The following NSUN2 variants were observed in gnomAD, a reference collection of about 807,000 sequenced individuals.
NSUN2 encodes RNA cytosine C(5)-methyltransferase NSUN2.
Under a neutral mutation model 92.7 loss-of-function variants are expected in NSUN2, and 63 were observed. The observed-to-expected ratio is 0.68, with a 90% confidence interval of 0.56 to 0.84. NSUN2 has a LOEUF of 0.84. Ranked by LOEUF, NSUN2 falls within the 40% of genes least tolerant of loss-of-function variation. The probability of loss-of-function intolerance (pLI) is 0.00; values close to 1 mark genes in which losing one functional copy is unlikely to be tolerated. For missense variants in NSUN2, 989 were observed against 964.9 expected (o/e 1.02, Z -0.33); for synonymous variants, 356 against 348.3 (o/e 1.02, Z -0.25).
intron 18 of NSUN2, among the ~76,000 whole-genome samples, chr5:6,600,696 G>A (rs1181466952): frequency 6.6e-6 from 1 of 151,890 alleles, no homozygotes; most frequent in Non-Finnish European, 1.5e-5. Context: ...CAGGACCCAG[G>A]ACCACCGGGA....
At chr5:6,624,642 G>A (rs374790658) in intron 4 of NSUN2, among the ~76,000 whole-genome samples, 10 of 152,192 alleles carry the variant, frequency 6.6e-5, no homozygotes, top group African/African-American at 9.7e-5. Flanking sequence ...TCTCAAGTAC[G>A]AAATGGGGTT....
rs185317714 is a variant in NSUN2 at position 6,611,712 on chromosome 5, G to A, written c.1095+13C>T. On this transcript the variant is annotated intron_variant, in intron 10 of 18. Coordinates refer to ENST00000264670, the MANE Select transcript of NSUN2 (RefSeq NM_017755.6). ...CCTACTCTTTAGAATGAAAGTTCTC[G>A]AGGAAAGGTTACCTTCCACTGTGTG... 239 of 1,612,808 alleles carry A rather than the reference G, an allele frequency of 1.5e-4. 1 individual carries two copies. In the African/African-American group the frequency reaches 2.7e-3, roughly 18 times the overall value.
At chr5:6,624,218 T>C (rs1218098280) in intron 4 of NSUN2, among the ~76,000 whole-genome samples, 1 of 152,228 alleles carries the variant, frequency 6.6e-6, no homozygotes, top group Non-Finnish European at 1.5e-5. Flanking sequence ...GTGATCCTGA[T>C]ATGCCTGCCT....
intron 18 of NSUN2, 23 bp downstream of exon 18, chr5:6,602,438 G>C: frequency 6.2e-7 from 1 of 1,611,604 alleles, no homozygotes; most frequent in Non-Finnish European, 8.5e-7. Context: ...GTGTGTCTAA[G>C]GGCAGGGCGT....
At position 6,614,094 on chromosome 5, in the gene NSUN2, G is replaced by GAA. The variant is rs1491184285; in HGVS notation, c.1022-2297_1022-2296insTT. Among the ~76,000 whole-genome samples the GAA allele has an allele frequency of 5.6e-5, 3 of 53,414 alleles. 1 individual carries two copies. Among genetic ancestry groups the GAA allele is most frequent in the African/African-American group, 1.6e-4 (2 of 12,462 alleles). 35.0% of individuals were successfully genotyped at this position (53,414 alleles called of 152,430 possible). On this transcript the variant is annotated intron_variant, in intron 9 of 18. Coordinates refer to ENST00000264670, the MANE Select transcript of NSUN2 (RefSeq NM_017755.6). ...CTGGGCAACAGAGCGAGACTGTCTC[G>GAA]GAAAAAAAAAAAAAAAAAAAAAAAA...
At position 6,602,629 on chromosome 5, in the gene NSUN2, G is replaced by C. The variant is rs1579352452; in HGVS notation, c.1958-129C>G. ...AAAACAACAAATAATCTACATTCTT[G>C]GCTTCAAGGATCTAGATGGTGAAAA... On this transcript the variant is annotated intron_variant, in intron 17 of 18. Transcript: ENST00000264670. 3.3e-6 allele frequency: 3 copies of C among 906,856 alleles called. 1 individual carries two copies. Among genetic ancestry groups the C allele is most frequent in the Non-Finnish European group, 5.4e-6 (3 of 552,002 alleles). The allele number at this position is 906,856 out of a possible 1,614,324, so 56.2% of individuals were successfully genotyped here. A position where few individuals can be genotyped will look rare whatever the true frequency, so the allele number is the denominator to read the frequency against.
intron 4 of NSUN2, among the ~76,000 whole-genome samples, 194 bp downstream of exon 4, chr5:6,625,370 G>T (rs1354922791): frequency 6.6e-6 from 1 of 152,174 alleles, no homozygotes; most frequent in Non-Finnish European, 1.5e-5. Flanking sequence ...TAAATTTCAT[G>T]ACTAGATAAA....
intron 8 of NSUN2, 68 bp downstream of exon 8, chr5:6,617,882 T>G: frequency 2.4e-6 from 3 of 1,250,188 alleles, no homozygotes; most frequent in Non-Finnish European, 2.3e-6. Context: ...GGATGCTCAC[T>G]TGCATAACAA....
intron 4 of NSUN2, among the ~76,000 whole-genome samples, chr5:6,623,955 C>T (rs146531228): frequency 6.6e-6 from 1 of 152,198 alleles, no homozygotes; most frequent in African/African-American, 2.4e-5. Flanking sequence ...CTCAACCACA[C>T]CTCTACTTTA....
chr5:6,599,702 T>C lies in NSUN2; in HGVS notation c.*224A>G, dbSNP rs1736460959. On this transcript the variant is annotated 3_prime_UTR_variant, in exon 19 of 19. Transcript: ENST00000264670. ...ACCCAGCTTGGCCAAAGAAACAAAA[T>C]AAAACAAGTGATTTCTAACACGCTA... is the stretch of plus-strand genomic sequence containing the variant. 4 of 508,164 alleles carry C rather than the reference T, an allele frequency of 7.9e-6. No homozygotes were observed. The highest frequency in any genetic ancestry group is 1.4e-5 in the Non-Finnish European group (4 of 289,298). The allele number at this position is 508,164 out of a possible 1,614,324, so 31.5% of individuals were successfully genotyped here.
At chr5:6,608,384 C>G (rs1736865327) in intron 12 of NSUN2, among the ~76,000 whole-genome samples, 1 of 152,200 alleles carries the variant, frequency 6.6e-6, no homozygotes, top group African/African-American at 2.4e-5. Flanking sequence ...GGCCTAACTT[C>G]TAGCCAAGTG....
At chr5:6,602,123 A>C (rs1468514233) in intron 18 of NSUN2, among the ~76,000 whole-genome samples, 1 of 152,250 alleles carries the variant, frequency 6.6e-6, no homozygotes, top group Non-Finnish European at 1.5e-5. Flanking sequence ...TGAGGACAAA[A>C]GAACGGAACC....
intron 7 of NSUN2, among the ~76,000 whole-genome samples, 153 bp downstream of exon 7, chr5:6,619,953 C>T (rs1323430613): frequency 4.6e-5 from 7 of 152,196 alleles, no homozygotes; most frequent in African/African-American, 9.6e-5. Flanking sequence ...GACGTATCTA[C>T]GTGTCCATCT....
rs985130023 is a variant in NSUN2, at chr5:6,618,894, C to T, written c.816-870G>A. ...CTGATTTTCCTTGATGGTCTAGCCGCGTGTACACGAGGGACTAGGTCTGCA... is the reference window on the plus strand; with the variant it reads ...CTGATTTTCCTTGATGGTCTAGCCGTGTGTACACGAGGGACTAGGTCTGCA... On this transcript the variant is annotated intron_variant, in intron 7 of 18. Transcript: ENST00000264670. Among the ~76,000 whole-genome samples the T allele has an allele frequency of 1.2e-4, 19 of 152,276 alleles. 1 individual carries two copies. Among genetic ancestry groups the T allele is most frequent in the South Asian group, 6.2e-4 (3 of 4,828 alleles).
intron 18 of NSUN2, among the ~76,000 whole-genome samples, chr5:6,601,163 TAA>T (rs3836786): frequency 0.35 from 52,470 of 150,962 alleles, 9,299 homozygotes; most frequent in Middle Eastern, 0.4. Flanking sequence ...CCCATCTTCT[TAA>T]AAAAAAAAAA....
intron 4 of NSUN2, 94 bp downstream of exon 4, chr5:6,625,470 T>C: frequency 1.2e-6 from 1 of 843,750 alleles, no homozygotes; most frequent in South Asian, 1.5e-5. Flanking sequence ...GTCCACCTAC[T>C]GCTTCTAGTG....
Position 6,622,023 on chromosome 5 carries a change from G to T in NSUN2, c.615C>A (p.Pro205=), listed in dbSNP as rs773951967. 1.1e-5 allele frequency: 17 copies of T among 1,613,544 alleles called. No individual in the cohort carries two copies. In the East Asian group the frequency reaches 3.6e-4, roughly 34 times the overall value. ...CACAAGTCCAATGCATACCTGGAAA[G>T]GGGACATTCATGTCGGCATGTAGCA... is the stretch of plus-strand genomic sequence containing the variant. ...IEMLHADMNV[P]FPEGFVIAND... The change falls in exon 6 of 19, where the codon CCC becomes CCA. Residue 205 remains proline, a synonymous_variant. Coordinates refer to ENST00000264670, the MANE Select transcript of NSUN2 (RefSeq NM_017755.6).
intron 3 of NSUN2, among the ~76,000 whole-genome samples, chr5:6,627,712 G>C (rs959351725): frequency 6.6e-6 from 1 of 152,174 alleles, no homozygotes; most frequent in Admixed American, 6.5e-5. Flanking sequence ...TGGGTACAGA[G>C]AACAGCCTGG....
intron 9 of NSUN2, among the ~76,000 whole-genome samples, chr5:6,612,632 AAAGGAAAAGAATCTCC>A (rs1334072183): frequency 6.6e-6 from 1 of 152,242 alleles, no homozygotes; most frequent in Non-Finnish European, 1.5e-5. Context: ...TTACAAAAAC[AAAGGAAAAGAATCTCC>A]AAGGTGGAGG....
Sources: gnomAD v4.1 joint callset for allele counts (sites outside exome capture counted in the v4.1 genomes callset) on GRCh38, gnomAD v4.1.1 for gene constraint, MANE v1.5 for transcripts, NCBI Gene and HGNC (gene_info 2026-07-23, HGNC 2026-07-21) for gene names.